TXNL4A: variants seen among roughly 807,000 people sequenced by gnomAD.
The protein encoded by TXNL4A is thioredoxin like 4A, also known as thioredoxin-like protein 4A.
TXNL4A carries 17 observed loss-of-function variants against 14.6 expected under a neutral mutation model. The ratio of observed to expected loss-of-function variants is 1.16; its 90% CI spans 0.80 to 1.74. The LOEUF is 1.74. TXNL4A is among the 40% of genes most tolerant of loss of function. The pLI, the probability that TXNL4A is intolerant of heterozygous loss-of-function variation, is 0.00. For missense variants in TXNL4A, 74 were observed against 195.2 expected (o/e 0.38, Z 3.70); for synonymous variants, 83 against 70.6 (o/e 1.18, Z -0.88).
At chr18:80,031,397 G>A (rs2051920310) in intron 1 of TXNL4A, among the ~76,000 whole-genome samples, 1 of 152,248 alleles carries the variant, frequency 6.6e-6, no homozygotes, top group African/African-American at 2.4e-5. Context: ...ACTTATGGCT[G>A]TGGTCACCTC....
intron 1 of TXNL4A, among the ~76,000 whole-genome samples, chr18:80,018,319 G>T (rs906003414): frequency 1.3e-5 from 2 of 152,062 alleles, no homozygotes; most frequent in African/African-American, 4.8e-5. Context: ...CAGAATCTCT[G>T]GGACACATTC....
chr18:80,000,693 C>T (rs1321726904), intron 1 of TXNL4A, among the ~76,000 whole-genome samples: 6 of 152,088 alleles, frequency 3.9e-5, no homozygotes, highest in Non-Finnish European at 2.9e-5. Flanking sequence ...CTCCCTCTGT[C>T]GCCCAGGCTG....
At chr18:80,008,161 G>C (rs2051745101) in intron 1 of TXNL4A, among the ~76,000 whole-genome samples, 2 of 152,228 alleles carry the variant, frequency 1.3e-5, no homozygotes, top group South Asian at 4.2e-4. Context: ...TGTTTTTCCG[G>C]GTGTTATGAG....
intron 1 of TXNL4A, among the ~76,000 whole-genome samples, chr18:80,016,441 C>G (rs889508779): frequency 1.3e-5 from 2 of 151,504 alleles, no homozygotes; most frequent in African/African-American, 4.8e-5. Context: ...CTTGCCCATG[C>G]CTATGTCCTG....
intron 1 of TXNL4A, among the ~76,000 whole-genome samples, chr18:79,979,898 A>C (rs1345765991): frequency 6.6e-6 from 1 of 152,244 alleles, no homozygotes; most frequent in Non-Finnish European, 1.5e-5. Context: ...GCCCTTTAGA[A>C]GCTTGTAGCC....
chr18:80,019,948 T>C (rs1357332123), intron 1 of TXNL4A, among the ~76,000 whole-genome samples: 1 of 152,178 alleles, frequency 6.6e-6, no homozygotes, highest in Non-Finnish European at 1.5e-5. Flanking sequence ...CCCAAGATAG[T>C]GATATGGTTT....
chr18:80,004,797 G>A (rs924848079), intron 1 of TXNL4A, among the ~76,000 whole-genome samples: 4 of 152,156 alleles, frequency 2.6e-5, no homozygotes, highest in African/African-American at 9.7e-5. Context: ...AGTGCGCAGT[G>A]GCTGCCGGTC....
chr18:80,007,485 C>G (rs1309266063), intron 1 of TXNL4A, among the ~76,000 whole-genome samples: 3 of 152,170 alleles, frequency 2.0e-5, no homozygotes, highest in Non-Finnish European at 4.4e-5. Flanking sequence ...CTATGGGTAA[C>G]ATCGGGTTCT....
upstream of TXNL4A, among the ~76,000 whole-genome samples, chr18:79,991,089 CAG>C (rs368107748): frequency 0.047 from 6,031 of 129,220 alleles, 370 homozygotes; most frequent in African/African-American, 0.17. Context: ...GCCTGGGCGA[CAG>C]AGCCAGACTC....
intron 2 of TXNL4A, among the ~76,000 whole-genome samples, chr18:79,976,982 C>T (rs139004738): frequency 7.4e-4 from 112 of 151,158 alleles, no homozygotes; most frequent in African/African-American, 2.4e-3. Context: ...TTTTTTGAGA[C>T]GGAGTTTTGC....
Position 79,972,371 on chromosome 18 carries a change from C to T in TXNL4A, c.*1314G>A, listed in dbSNP as rs2051311490. 1 of 152,418 alleles carries T rather than the reference C, an allele frequency of 6.6e-6. No homozygotes were observed. Among genetic ancestry groups the T allele is most frequent in the Non-Finnish European group, 1.5e-5 (1 of 68,176 alleles). The allele number at this position is 152,418 out of a possible 1,614,324, so 9.4% of individuals were successfully genotyped here. On this transcript the variant is annotated 3_prime_UTR_variant, in exon 3 of 3. Coordinates refer to ENST00000269601, the MANE Select transcript of TXNL4A (RefSeq NM_006701.5). ...CCTTCCTCACTTTCACTTCAGAGCT[C>T]GAGTGTGCTGAGACGGGACACGAAG...
chr18:80,030,525 C>T (rs1441026883), intron 1 of TXNL4A: 2 of 152,238 alleles, frequency 1.3e-5, no homozygotes, highest in Non-Finnish European at 2.9e-5. Context: ...ACTTACGCCT[C>T]TTTCCAGTGG....
rs185853820 is a variant in TXNL4A, at chr18:79,976,106, C to T, written c.257+1492G>A. ...CAAGGGCGTGTCCAGGGGAGCGTAT[C>T]CCGACGCCCAGAACCACGGCAGTGC... On this transcript the variant is annotated intron_variant, in intron 2 of 2. Coordinates refer to ENST00000269601, the MANE Select transcript of TXNL4A (RefSeq NM_006701.5). Among the ~76,000 whole-genome samples the T allele has an allele frequency of 2.6e-3, 395 of 152,302 alleles. 3 individuals are homozygous for T. The highest frequency in any genetic ancestry group is 0.017 in the Middle Eastern group (5 of 292).
intron 2 of TXNL4A, chr18:79,976,669 G>T (rs2051384137): frequency 2.5e-6 from 1 of 404,570 alleles, no homozygotes; most frequent in Non-Finnish European, 4.9e-6. Context: ...TTGTTACAAA[G>T]AATACAAAAC....
intron 1 of TXNL4A, among the ~76,000 whole-genome samples, chr18:79,986,370 C>T (rs1261034385): frequency 1.3e-5 from 2 of 152,132 alleles, no homozygotes; most frequent in Non-Finnish European, 1.5e-5. Flanking sequence ...TTATAATATT[C>T]GCATTAAAAG....
At chr18:80,007,564 G>A (rs568348063) in intron 1 of TXNL4A, among the ~76,000 whole-genome samples, 10 of 151,944 alleles carry the variant, frequency 6.6e-5, no homozygotes, top group South Asian at 4.2e-4. Flanking sequence ...TGGGCCTGGC[G>A]CTGGGCTGCC....
At chr18:79,984,620 T>C (rs913456687) in intron 1 of TXNL4A, among the ~76,000 whole-genome samples, 3 of 152,184 alleles carry the variant, frequency 2.0e-5, no homozygotes, top group African/African-American at 2.4e-5. Flanking sequence ...AGGAATTTTT[T>C]TGTTTTGTTT....
At chr18:80,013,141 G>A (rs2051782838) in intron 1 of TXNL4A, among the ~76,000 whole-genome samples, 1 of 134,304 alleles carries the variant, frequency 7.4e-6, no homozygotes, top group African/African-American at 2.8e-5. Flanking sequence ...TTTTTTTTGA[G>A]ACGGAGTCTG....
chr18:79,996,560 G>A (rs530712995), intron 1 of TXNL4A, among the ~76,000 whole-genome samples: 268 of 152,246 alleles, frequency 1.8e-3, no homozygotes, highest in African/African-American at 5.8e-3. Context: ...CTGTGATCTC[G>A]TCAACATCCA....
Sources: gnomAD v4.1 joint callset for allele counts (sites outside exome capture counted in the v4.1 genomes callset) on GRCh38, gnomAD v4.1.1 for gene constraint, MANE v1.5 for transcripts, NCBI Gene and HGNC (gene_info 2026-07-23, HGNC 2026-07-21) for gene names.